The following KLHL4 variants were observed in gnomAD, a reference collection of about 807,000 sequenced individuals.
KLHL4 encodes the protein kelch-like protein 4.
In KLHL4, 17 loss-of-function variants were observed where a neutral mutation model predicts 45.8. That is an observed-to-expected ratio of 0.37 (90% CI 0.25 to 0.56). The LOEUF is 0.56. Ranked by LOEUF, KLHL4 falls within the 20% of genes least tolerant of loss-of-function variation. The pLI is 0.79. For missense variants in KLHL4, 544 were observed against 544.9 expected, an observed-to-expected ratio of 1.00 and a Z score of 0.02; for synonymous variants, 224 against 189.9, an observed-to-expected ratio of 1.18 and a Z score of -1.47.
At chrX:87,639,641 T>TA (rs1399373677) in intron 9 of KLHL4, among the ~76,000 whole-genome samples, 1 of 110,795 alleles carries the variant, frequency 9.0e-6, no homozygotes, top group Non-Finnish European at 1.9e-5. Context: ...AAGATTGAAA[T>TA]AAAAAATTAT....
At chrX:87,520,109 C>A (rs1172240364) in intron 1 of KLHL4, among the ~76,000 whole-genome samples, 1 of 111,962 alleles carries the variant, frequency 8.9e-6, no homozygotes, top group East Asian at 2.8e-4. Context: ...CCAAGGATAT[C>A]TTAGGCAGGA....
chrX:87,663,614 A>C (rs1048990082), intron 9 of KLHL4, among the ~76,000 whole-genome samples: 18 of 112,500 alleles, frequency 1.6e-4, no homozygotes, highest in African/African-American at 5.8e-4. Context: ...CCTGACTGTC[A>C]GCTGAGTGAA....
chrX:87,641,878 T>A (rs553631707), intron 9 of KLHL4, among the ~76,000 whole-genome samples: 3 of 110,522 alleles, frequency 2.7e-5, no homozygotes, highest in African/African-American at 9.9e-5. Flanking sequence ...CCACAGCAGC[T>A]GCAGCAAGAC....
chrX:87,617,222 T>TA (rs397953182), intron 3 of KLHL4, among the ~76,000 whole-genome samples: 17 of 110,411 alleles, frequency 1.5e-4, no homozygotes, highest in African/African-American at 5.2e-4. Context: ...TTTTTTTTTT[T>TA]ATAACAAAGC....
intron 1 of KLHL4, among the ~76,000 whole-genome samples, chrX:87,600,844 T>C (rs1055166217): frequency 2.7e-5 from 3 of 112,062 alleles, no homozygotes; most frequent in Non-Finnish European, 1.9e-5. Flanking sequence ...TCACGAAGAT[T>C]TGATAGTGAA....
rs1348724954 is a variant in KLHL4, at chrX:87,623,517, C to T, written c.1137+1094C>T. ...CCATGTTGGCCAGGATGGTCTCGAC[C>T]TCCTGACCTTGTGATCCACCTGCCT... On this transcript the variant is annotated intron_variant, in intron 5 of 10. Coordinates refer to ENST00000373119, the MANE Select transcript of KLHL4 (RefSeq NM_019117.5). Among the ~76,000 whole-genome samples, 7 of 110,016 alleles carry T rather than the reference C, an allele frequency of 6.4e-5. No individual in the cohort carries two copies. In the Admixed American group the frequency reaches 6.8e-4, roughly 11 times the overall value.
rs1335567538 is a variant in KLHL4 at position 87,530,271 on chromosome X, CT to C, written c.422+11967del. 5.8e-3 allele frequency among the ~76,000 whole-genome samples: 594 copies of C among 101,792 alleles called. 1 individual carries two copies. The highest frequency in any genetic ancestry group is 0.021 in the East Asian group (68 of 3,225). The allele number at this position is 101,792 out of a possible 115,157, so 88.4% of individuals were successfully genotyped here. On this transcript the variant is annotated intron_variant, in intron 1 of 10. Coordinates refer to ENST00000373119, the MANE Select transcript of KLHL4 (RefSeq NM_019117.5). Reference sequence around the variant, plus strand: ...ATGGTTTTAGGTCTAACATTTAAGTCTTTTTTTTTTTATTATACTTTAAGTT... The same window carrying C: ...ATGGTTTTAGGTCTAACATTTAAGTCTTTTTTTTTTATTATACTTTAAGTT...
intron 4 of KLHL4, 66 bp downstream of exon 4, chrX:87,618,194 G>C (rs1922627844): frequency 1.1e-6 from 1 of 880,129 alleles, no homozygotes; most frequent in African/African-American, 2.0e-5. Context: ...AAATTAATAA[G>C]CAACATAAAC....
chrX:87,554,089 G>C (rs1309580554), intron 1 of KLHL4, among the ~76,000 whole-genome samples: 136 of 96,067 alleles, frequency 1.4e-3, no homozygotes, highest in African/African-American at 4.9e-3. Flanking sequence ...CTCTGTTTTG[G>C]TACCAGTACC....
At chrX:87,618,649 C>T (rs1173197881) in intron 4 of KLHL4, among the ~76,000 whole-genome samples, 1 of 110,757 alleles carries the variant, frequency 9.0e-6, no homozygotes, top group African/African-American at 3.3e-5. Flanking sequence ...TACAGGCGCC[C>T]GCCACCATGC....
At chrX:87,623,824 G>A (rs1017864402) in intron 5 of KLHL4, among the ~76,000 whole-genome samples, 2 of 111,479 alleles carry the variant, frequency 1.8e-5, no homozygotes, top group South Asian at 3.7e-4. Flanking sequence ...ATGATCTTTA[G>A]AATCTATGGA....
chrX:87,581,888 G>C (rs1260068340), intron 1 of KLHL4, among the ~76,000 whole-genome samples: 1 of 112,032 alleles, frequency 8.9e-6, no homozygotes. Flanking sequence ...CTAGGCTTCA[G>C]AATGTGGGTA....
intron 3 of KLHL4, among the ~76,000 whole-genome samples, chrX:87,616,112 T>G (rs1205226466): frequency 9.0e-6 from 1 of 110,819 alleles, no homozygotes; most frequent in Non-Finnish European, 1.9e-5. Context: ...AAAAGAAAAT[T>G]ATGGAAAGGA....
Position 87,635,685 on chromosome X carries a change from T to C in KLHL4, c.1835T>C (p.Val612Ala). 4 of 1,208,942 alleles carry C rather than the reference T, an allele frequency of 3.3e-6. No individual in the cohort carries two copies. The highest frequency in any genetic ancestry group is 4.5e-6 in the Non-Finnish European group (4 of 893,118). The part of the protein sequence containing the change: ...PMSKRRGGVG[V>A]ATYNGFLYVV... ...TCCAAAAGACGTGGAGGTGTGGGAG[T>C]TGCCACATACAATGGATTCTTATAT... Residue 612 changes from valine to alanine, a missense_variant, in exon 9 of 11, where the codon GTT (valine) becomes GCT (alanine). Coordinates refer to ENST00000373119, the MANE Select transcript of KLHL4 (RefSeq NM_019117.5).
chrX:87,524,676 A>G (rs926604206), intron 1 of KLHL4, among the ~76,000 whole-genome samples: 8 of 112,029 alleles, frequency 7.1e-5, no homozygotes, highest in Non-Finnish European at 1.5e-4. Context: ...GATGTGTTAC[A>G]GAAAAGGGAC....
At position 87,568,391 on chromosome X, in the gene KLHL4, CTTT is replaced by C. The variant is rs58586775; in HGVS notation, c.423-45469_423-45467del. On this transcript the variant is annotated intron_variant, in intron 1 of 10. Transcript: ENST00000373119. Reference sequence around the variant, plus strand: ...TTTTTTCTTTTTCTTTTCTTTTTTTCTTTTTTTTTTTTTTTTTTTGCAGAAATA... The same window carrying C: ...TTTTTTCTTTTTCTTTTCTTTTTTTCTTTTTTTTTTTTTTTTGCAGAAATA... Among the ~76,000 whole-genome samples the C allele has an allele frequency of 1.0e-4, 6 of 57,505 alleles. No individual in the cohort carries two copies. The Admixed American group carries it at 1.4e-3, about 14-fold the overall frequency. 49.9% of individuals were successfully genotyped at this position (57,505 alleles called of 115,157 possible). A position where few individuals can be genotyped will look rare whatever the true frequency, so the allele number is the denominator to read the frequency against.
At chrX:87,530,515 G>A (rs1169341827) in intron 1 of KLHL4, among the ~76,000 whole-genome samples, 1 of 96,600 alleles carries the variant, frequency 1.0e-5, no homozygotes, top group Non-Finnish European at 2.0e-5. Flanking sequence ...GTGAGAATAT[G>A]CGGTGTTTGG....
In KLHL4 at chrX:87,596,076, T is replaced by A. The variant is rs150457344; in HGVS notation, c.423-17801T>A. 4.3e-4 allele frequency among the ~76,000 whole-genome samples: 48 copies of A among 111,193 alleles called. 3 individuals are homozygous for A. In the East Asian group the frequency reaches 0.013, roughly 30 times the overall value. On this transcript the variant is annotated intron_variant, in intron 1 of 10. Transcript: ENST00000373119. ...AGTGTGTGGCATCTCCCCCTCTTAC[T>A]CTTGCTCCTGCTCTGGCCATGTGAC...
intron 1 of KLHL4, among the ~76,000 whole-genome samples, chrX:87,589,009 GAA>G (rs755843475): frequency 9.0e-6 from 1 of 111,359 alleles, no homozygotes; most frequent in South Asian, 3.7e-4. Context: ...CAAAAGATTT[GAA>G]AAAAACATTT....
Sources: allele counts gnomAD v4.1 joint callset (sites outside exome capture counted in the v4.1 genomes callset), GRCh38; gene constraint gnomAD v4.1.1; transcripts MANE v1.5; gene names NCBI Gene and HGNC (gene_info 2026-07-23, HGNC 2026-07-21).